PRSS23: variants seen among roughly 807,000 people sequenced by gnomAD.
The protein encoded by PRSS23 is serine protease 23.
PRSS23 carries 25 observed loss-of-function variants against 34.7 expected under a neutral mutation model. The observed-to-expected ratio is 0.72, with a 90% CI of 0.53 to 1.01. PRSS23 has a LOEUF of 1.01. Ranked by LOEUF, PRSS23 falls within the 50% of genes least tolerant of loss-of-function variation. The pLI is 0.00. For synonymous variants in PRSS23, 176 were observed against 186.6 expected (o/e 0.94, Z 0.46); for missense variants, 445 against 475.6 (o/e 0.94, Z 0.60).
chr11:86,808,291 G>A lies in PRSS23; in HGVS notation c.648G>A (p.Gln216=). 6.2e-7 allele frequency: 1 copy of A among 1,614,140 alleles called. No homozygotes were observed. ...ACTCCACTTCAGCCATGCCCGAGCA[G>A]ATGAAATTTCAGTGGATCCGGGTGA... ...ANDSTSAMPE[Q]MKFQWIRVKR... Residue 216 remains glutamine (Q), a synonymous_variant, in exon 2 of 2, where the codon CAG becomes CAA. Coordinates refer to ENST00000280258, the MANE Select transcript of PRSS23 (RefSeq NM_007173.6).
chr11:86,879,635 C>T (rs1427447752), intron 2 of PRSS23, among the ~76,000 whole-genome samples: 12 of 123,954 alleles, frequency 9.7e-5, no homozygotes, highest in Admixed American at 1.6e-4. Context: ...AAGTGAGGAG[C>T]CCCTCTGCCC....
chr11:86,804,522 T>C (rs1416885429), intron 1 of PRSS23, among the ~76,000 whole-genome samples: 1 of 152,238 alleles, frequency 6.6e-6, no homozygotes, highest in Non-Finnish European at 1.5e-5. Flanking sequence ...AATTAGGACT[T>C]ATTAAGTCTC....
chr11:86,831,948 C>T (rs1948360153), intron 2 of PRSS23, among the ~76,000 whole-genome samples: 2 of 151,728 alleles, frequency 1.3e-5, no homozygotes, highest in African/African-American at 2.4e-5. Flanking sequence ...GTGTGTACAC[C>T]CTGTGATATT....
At chr11:86,945,277 A>G (rs1417155702) in intron 2 of PRSS23, among the ~76,000 whole-genome samples, 2 of 151,958 alleles carry the variant, frequency 1.3e-5, no homozygotes, top group Non-Finnish European at 2.9e-5. Context: ...CAAAAGTTCT[A>G]GCAATGATGG....
Position 86,946,065 on chromosome 11 carries a change from G to C in PRSS23, c.207-5151G>C, listed in dbSNP as rs143372848. 0.02 allele frequency: 3,114 copies of C among 152,516 alleles called. 52 individuals are homozygous for C. Among genetic ancestry groups the C allele is most frequent in the Middle Eastern group, 0.034 (10 of 294 alleles). 9.4% of individuals were successfully genotyped at this position (152,516 alleles called of 1,614,324 possible). ...TACCTTTCTTACAAAGAGCTCAAGG[G>C]GCCATCATTTTTTGACCTTTTCAAG... On this transcript the variant is annotated intron_variant, in intron 2 of 2. Coordinates refer to the PRSS23 transcript ENST00000533902.
chr11:86,822,864 G>C (rs1401955051), intron 1 of PRSS23, among the ~76,000 whole-genome samples: 1 of 152,176 alleles, frequency 6.6e-6, no homozygotes, highest in African/African-American at 2.4e-5. Context: ...TACAAAATCG[G>C]TGTTTCCTTC....
chr11:86,915,828 A>G (rs956581779), intron 2 of PRSS23, among the ~76,000 whole-genome samples: 2 of 152,056 alleles, frequency 1.3e-5, no homozygotes, highest in Non-Finnish European at 2.9e-5. Context: ...AGGCAGGTGG[A>G]TCACTTGAGG....
At chr11:86,823,606 C>A (rs1948270976) in intron 2 of PRSS23, 1 of 702,354 alleles carries the variant, frequency 1.4e-6, no homozygotes, top group African/African-American at 1.7e-5. Context: ...AAGTTCATAT[C>A]AGATTATCAC....
At chr11:86,825,156 T>A (rs985153550) in intron 2 of PRSS23, among the ~76,000 whole-genome samples, 12 of 151,996 alleles carry the variant, frequency 7.9e-5, no homozygotes, top group African/African-American at 2.9e-4. Flanking sequence ...TTCCTGACTT[T>A]TTAATGATTG....
At chr11:86,823,709 T>A (rs771033893) in intron 2 of PRSS23, 24 of 655,256 alleles carry the variant, frequency 3.7e-5, no homozygotes, top group Non-Finnish European at 6.1e-5. Flanking sequence ...ATTGGTTTCA[T>A]CAAGAATTCA....
intron 1 of PRSS23, among the ~76,000 whole-genome samples, chr11:86,818,581 G>T (rs1263544157): frequency 6.6e-6 from 1 of 152,116 alleles, no homozygotes; most frequent in Non-Finnish European, 1.5e-5. Flanking sequence ...TTCTTCATGT[G>T]TTGGAAAATG....
chr11:86,874,245 C>T (rs938615564), intron 2 of PRSS23, among the ~76,000 whole-genome samples: 8 of 152,176 alleles, frequency 5.3e-5, no homozygotes, highest in African/African-American at 1.9e-4. Flanking sequence ...CCAAGAACAG[C>T]CCAATACAGA....
intron 2 of PRSS23, among the ~76,000 whole-genome samples, chr11:86,916,016 C>T (rs1328548763): frequency 6.6e-6 from 1 of 152,196 alleles, no homozygotes; most frequent in African/African-American, 2.4e-5. Flanking sequence ...GATCACACCA[C>T]TGCATTCCAG....
intron 1 of PRSS23, among the ~76,000 whole-genome samples, chr11:86,817,496 A>G (rs1471988269): frequency 6.6e-6 from 1 of 152,188 alleles, no homozygotes; most frequent in Admixed American, 6.5e-5. Flanking sequence ...TTTCTGGCTC[A>G]TGGATTGTCA....
rs183606759 is a variant in PRSS23, at chr11:86,809,403, C to G, written c.*608C>G. 5 of 167,194 alleles carry G rather than the reference C, an allele frequency of 3.0e-5. No homozygotes were observed. The highest frequency in any genetic ancestry group is 3.9e-4 in the East Asian group (2 of 5,188). 10.4% of individuals were successfully genotyped at this position (167,194 alleles called of 1,614,324 possible). A position where few individuals can be genotyped will look rare whatever the true frequency, so the allele number is the denominator to read the frequency against. ...TGACTATACTGATACACATATTAAACTATACCTTATAGTAAACCAGTATCC... is the reference window on the plus strand; with the variant it reads ...TGACTATACTGATACACATATTAAAGTATACCTTATAGTAAACCAGTATCC... On this transcript the variant is annotated 3_prime_UTR_variant, in exon 2 of 2. Coordinates refer to ENST00000280258, the MANE Select transcript of PRSS23 (RefSeq NM_007173.6).
intron 2 of PRSS23, among the ~76,000 whole-genome samples, chr11:86,838,891 G>T (rs553753995): frequency 3.3e-5 from 5 of 152,306 alleles, no homozygotes; most frequent in African/African-American, 1.2e-4. Context: ...TGAGGGGCCT[G>T]ACTGTTAGAA....
intron 2 of PRSS23, among the ~76,000 whole-genome samples, chr11:86,840,865 G>T (rs1948442083): frequency 8.6e-6 from 1 of 116,232 alleles, no homozygotes; most frequent in African/African-American, 3.0e-5. Context: ...TGACTACTGG[G>T]TAAATAGCAA....
chr11:86,915,238 A>G (rs1419469175), intron 2 of PRSS23, among the ~76,000 whole-genome samples: 1 of 152,204 alleles, frequency 6.6e-6, no homozygotes, highest in Non-Finnish European at 1.5e-5. Context: ...CTCTTACATC[A>G]CAAGTAATGA....
chr11:86,932,248 GC>G (rs1232785588), intron 2 of PRSS23, among the ~76,000 whole-genome samples: 1 of 152,184 alleles, frequency 6.6e-6, no homozygotes, highest in Non-Finnish European at 1.5e-5. Context: ...AGCTGCTTTT[GC>G]CAGAAGTCGT....
Sources: allele counts gnomAD v4.1 joint callset (sites outside exome capture counted in the v4.1 genomes callset), GRCh38; gene constraint gnomAD v4.1.1; transcripts MANE v1.5; gene names NCBI Gene and HGNC (gene_info 2026-07-23, HGNC 2026-07-21).